The following ZDHHC7 variants were observed in gnomAD, a reference collection of about 807,000 sequenced individuals.
ZDHHC7 encodes zDHHC palmitoyltransferase 7, also known as palmitoyltransferase ZDHHC7.
ZDHHC7 carries 12 observed loss-of-function variants against 34.1 expected under a neutral mutation model. The ratio of observed to expected loss-of-function variants is 0.35; its 90% confidence interval spans 0.23 to 0.57. The LOEUF (loss-of-function observed/expected upper bound fraction) is 0.57. ZDHHC7 is among the 20% of genes least tolerant of loss of function. The pLI, the probability that ZDHHC7 is intolerant of heterozygous loss-of-function variation, is 0.84. For missense variants in ZDHHC7, 388 were observed against 402.7 expected, an observed-to-expected ratio of 0.96 and a Z score of 0.31; for synonymous variants, 185 against 155.4, an observed-to-expected ratio of 1.19 and a Z score of -1.42.
chr16:84,981,788 G>A, intron 4 of ZDHHC7, 82 bp downstream of exon 4: 3 of 1,605,748 alleles, frequency 1.9e-6, no homozygotes, highest in Non-Finnish European at 2.6e-6. Flanking sequence ...ACCTACGGTG[G>A]TGGGCGCACT....
upstream of ZDHHC7, among the ~76,000 whole-genome samples, chr16:85,012,805 T>C (rs1015475662): frequency 1.3e-4 from 19 of 151,958 alleles, no homozygotes; most frequent in Non-Finnish European, 2.9e-5. Context: ...CTCGGGAGGC[T>C]GAGGCAGGAG....
the ZDHHC7 span, among the ~76,000 whole-genome samples, chr16:85,027,587 AC>A: frequency 6.6e-6 from 1 of 151,756 alleles, no homozygotes; most frequent in Non-Finnish European, 1.5e-5. Flanking sequence ...CGCCGGGCGT[AC>A]CCGAGAGCGC....
intron 2 of ZDHHC7, among the ~76,000 whole-genome samples, chr16:84,994,101 A>C (rs909222671): frequency 1.3e-5 from 2 of 152,148 alleles, no homozygotes; most frequent in Admixed American, 1.3e-4. Context: ...GGTACTTACC[A>C]CTTGCTACCT....
intron 5 of ZDHHC7, 71 bp downstream of exon 5, chr16:84,979,118 T>C (rs1330538967): frequency 6.9e-7 from 1 of 1,456,750 alleles, no homozygotes; most frequent in African/African-American, 1.4e-5. Flanking sequence ...TAGATTTCTC[T>C]GCTCCAGGCA....
intron 5 of ZDHHC7, among the ~76,000 whole-genome samples, chr16:84,978,680 T>A (rs377563503): frequency 3.3e-5 from 5 of 152,072 alleles, no homozygotes; most frequent in Non-Finnish European, 5.9e-5. Context: ...CCAACCAATA[T>A]GGAGAAACCC....
chr16:85,014,495 G>A (rs2072826312), upstream of ZDHHC7, among the ~76,000 whole-genome samples: 1 of 152,204 alleles, frequency 6.6e-6, no homozygotes, highest in Non-Finnish European at 1.5e-5. Context: ...GGACAATAAA[G>A]AAGGCAGTTA....
intron 3 of ZDHHC7, among the ~76,000 whole-genome samples, chr16:84,986,202 T>A (rs1356813042): frequency 2.6e-5 from 4 of 152,140 alleles, no homozygotes; most frequent in Non-Finnish European, 4.4e-5. Context: ...AAGCTCAAGG[T>A]GGAGCGCTCT....
At chr16:84,987,736 T>C (rs1482853578) in intron 3 of ZDHHC7, among the ~76,000 whole-genome samples, 2 of 151,972 alleles carry the variant, frequency 1.3e-5, no homozygotes, top group African/African-American at 2.4e-5. Flanking sequence ...GTGAGAAGGG[T>C]CCGGCCAGAG....
chr16:84,995,886 A>C (rs1203911178), intron 2 of ZDHHC7, 36 bp downstream of exon 2: 4 of 152,198 alleles, frequency 2.6e-5, no homozygotes, highest in Non-Finnish European at 5.9e-5. Flanking sequence ...GTGAGAAAGG[A>C]AACAGTGATT....
At chr16:84,984,332 A>G (rs1042044457) in intron 3 of ZDHHC7, among the ~76,000 whole-genome samples, 1 of 152,142 alleles carries the variant, frequency 6.6e-6, no homozygotes, top group Non-Finnish European at 1.5e-5. Flanking sequence ...GGAGTCTTCA[A>G]TCAACTTTCC....
rs921687860 is a variant in ZDHHC7 at position 84,976,102 on chromosome 16, G to C, written c.*241C>G. 1 of 538,848 alleles carries C rather than the reference G, an allele frequency of 1.9e-6. No homozygotes were observed. Among genetic ancestry groups the C allele is most frequent in the African/African-American group, 2.0e-5 (1 of 50,388 alleles). The allele number at this position is 538,848 out of a possible 1,614,324, so 33.4% of individuals were successfully genotyped here. A position where few individuals can be genotyped will look rare whatever the true frequency, so the allele number is the denominator to read the frequency against. On this transcript the variant is annotated 3_prime_UTR_variant, in exon 8 of 8. Transcript: ENST00000313732. ...CCACAGAAGCCCCAGCTCTGCAGGA[G>C]GCCACGGCGTTTGGCTTCTTCGTGT...
Position 84,981,997 on chromosome 16 carries a change from A to T in ZDHHC7, c.316-3T>A. On this transcript the variant is annotated splice_polypyrimidine_tract_variant and splice_region_variant and intron_variant, in intron 3 of 7. Transcript: ENST00000313732. ...GCGTTTCCTTTGGGTACTGCCCCCT[A>T]CCATATAAGAAGAATGTACTTTAGT... The T allele has an allele frequency of 1.2e-6, 2 of 1,613,988 alleles. No homozygotes were observed. Among genetic ancestry groups the T allele is most frequent in the African/African-American group, 2.7e-5 (2 of 75,020 alleles).
intron 1 of ZDHHC7, among the ~76,000 whole-genome samples, chr16:84,996,407 A>T (rs1386975879): frequency 1.4e-4 from 22 of 152,028 alleles, no homozygotes; most frequent in Admixed American, 1.4e-3. Flanking sequence ...TTGAGGCAGG[A>T]GGGGTGGACT....
At chr16:85,023,536 C>G in the ZDHHC7 span, among the ~76,000 whole-genome samples, 3 of 152,176 alleles carry the variant, frequency 2.0e-5, no homozygotes, top group South Asian at 6.2e-4. Context: ...GCATGGTAGT[C>G]AAACACACAC....
chr16:85,022,000 C>CA, the ZDHHC7 span, among the ~76,000 whole-genome samples: 65 of 143,626 alleles, frequency 4.5e-4, no homozygotes, highest in African/African-American at 1.2e-3. Context: ...ACTAAAAATA[C>CA]AAAAAAAAAA....
At position 84,976,439 on chromosome 16, in the gene ZDHHC7, C is replaced by A. The variant is rs781180369; in HGVS notation, c.831G>T (p.Gly277=). 1.2e-6 allele frequency: 2 copies of A among 1,613,946 alleles called. No individual in the cohort carries two copies. Among genetic ancestry groups the A allele is most frequent in the Admixed American group, 1.7e-5 (1 of 59,964 alleles). Residue 277 remains glycine (G), a synonymous_variant, in exon 8 of 8, where the codon GGG becomes GGT. Coordinates refer to ENST00000313732, the MANE Select transcript of ZDHHC7 (RefSeq NM_017740.3). ...RWEGMKSVFG[G]PPSLLWMNPF... The stretch of plus-strand genomic sequence containing the variant: ...GATTCATCCAGAGGAGTGAGGGGGG[C>A]CCCCCAAAGACGGACTTCATCCCTT...
At chr16:85,005,408 T>A (rs944905302) in intron 1 of ZDHHC7, among the ~76,000 whole-genome samples, 5 of 152,202 alleles carry the variant, frequency 3.3e-5, no homozygotes, top group Admixed American at 2.6e-4. Context: ...TTACTGAGCA[T>A]CTACTCTGTT....
chr16:84,983,349 T>G (rs1215412627), intron 3 of ZDHHC7, among the ~76,000 whole-genome samples: 3 of 152,210 alleles, frequency 2.0e-5, no homozygotes, highest in Non-Finnish European at 4.4e-5. Context: ...CTCGCTGGGC[T>G]CCGGAGCCAC....
At chr16:85,017,671 T>C in the ZDHHC7 span, among the ~76,000 whole-genome samples, 1 of 152,142 alleles carries the variant, frequency 6.6e-6, no homozygotes, top group African/African-American at 2.4e-5. Context: ...ACAAATATAA[T>C]TGATACCCGT....
Sources: gnomAD v4.1 joint callset for allele counts (sites outside exome capture counted in the v4.1 genomes callset) on GRCh38, gnomAD v4.1.1 for gene constraint, MANE v1.5 for transcripts, NCBI Gene and HGNC (gene_info 2026-07-23, HGNC 2026-07-21) for gene names.